CFLAR: variants seen among roughly 807,000 people sequenced by gnomAD.
CFLAR encodes the protein CASP8 and FADD like apoptosis regulator, also known as CASP8 and FADD-like apoptosis regulator.
A neutral mutation model predicts 51.1 loss-of-function variants in CFLAR; 14 were observed. The ratio of observed to expected loss-of-function variants is 0.27; its 90% confidence interval spans 0.18 to 0.43. The LOEUF (loss-of-function observed/expected upper bound fraction) is 0.43, where lower values mean the gene tolerates loss of function less well. Ranked by LOEUF, CFLAR falls within the 20% of genes least tolerant of loss-of-function variation. The probability of loss-of-function intolerance (pLI) is 1.00; values close to 1 mark genes in which losing one functional copy is unlikely to be tolerated. For missense variants in CFLAR, 390 were observed against 566.5 expected (o/e 0.69, Z 3.16); for synonymous variants, 210 against 211.6 (o/e 0.99, Z 0.06).
intron 3 of CFLAR, 68 bp downstream of exon 3, chr2:201,133,202 C>T (rs2049558770): frequency 8.5e-7 from 1 of 1,179,642 alleles, no homozygotes. Context: ...CTTGTTGATA[C>T]AGAGAGAGGG....
chr2:201,176,284 G>GT lies in CFLAR; in HGVS notation c.*12311_*12312insT, dbSNP rs1172810429. ...TCTCAGGTGTTTTCTATTGCGGGGG[G>GT]GGGGGGCGGGCGGGGGAGCTGCCTG... On this transcript the variant is annotated 3_prime_UTR_variant, in exon 10 of 10. Transcript: ENST00000309955. 4 of 126,530 alleles carry GT rather than the reference G, an allele frequency of 3.2e-5. No individual in the cohort carries two copies. Among genetic ancestry groups the GT allele is most frequent in the East Asian group, 2.7e-4 (1 of 3,762 alleles). The allele number at this position is 126,530 out of a possible 1,614,324, so 7.8% of individuals were successfully genotyped here.
rs1421029544 is a variant in CFLAR, at chr2:201,140,404, CAA to C, written c.574_575del (p.Lys192GlufsTer8). 6.2e-7 allele frequency: 1 copy of C among 1,609,866 alleles called. No individual in the cohort carries two copies. The highest frequency in any genetic ancestry group is 8.5e-7 in the Non-Finnish European group (1 of 1,178,960). ...SYRNVLQAAI[Q>X]KSLKDPSNNF... ...CAGGAATGTTCTCCAAGCAGCAATC[CAA>C]AAGAGTCTCAAGGATCCTTCAAATA... On this transcript the variant is annotated frameshift_variant, in exon 5 of 10. Coordinates refer to ENST00000309955, the MANE Select transcript of CFLAR (RefSeq NM_003879.7). LOFTEE classifies it high-confidence loss of function.
In CFLAR at chr2:201,147,137, A is replaced by G. The variant is rs536074343; in HGVS notation, c.661+1705A>G. Among the ~76,000 whole-genome samples, 99 of 152,316 alleles carry G rather than the reference A, an allele frequency of 6.5e-4. 1 individual carries two copies. Among genetic ancestry groups the G allele is most frequent in the Non-Finnish European group, 1.1e-3 (72 of 68,032 alleles). The stretch of plus-strand genomic sequence containing the variant: ...CAATTTTATCCTTGGTCATAATTGT[A>G]CAGATGAGGTAAGTGAGAATCCAAA... On this transcript the variant is annotated intron_variant, in intron 6 of 9. Transcript: ENST00000309955.
Position 201,172,100 on chromosome 2 carries a change from TG to T in CFLAR, c.*8129del, listed in dbSNP as rs1944057464. On this transcript the variant is annotated 3_prime_UTR_variant, in exon 10 of 10. Coordinates refer to ENST00000309955, the MANE Select transcript of CFLAR (RefSeq NM_003879.7). ...ATTTTATATCTCATGCTGTAATTCTTGGAAAGTATGCTGTAGCTCAAGTGCA... is the reference window on the plus strand; with the variant it reads ...ATTTTATATCTCATGCTGTAATTCTTGAAAGTATGCTGTAGCTCAAGTGCA... 6.6e-6 allele frequency: 1 copy of T among 152,208 alleles called. No homozygotes were observed. Among genetic ancestry groups the T allele is most frequent in the African/African-American group, 2.4e-5 (1 of 41,466 alleles). The allele number at this position is 152,208 out of a possible 1,614,324, so 9.4% of individuals were successfully genotyped here.
At position 201,124,008 on chromosome 2, in the gene CFLAR, AT is replaced by A. The variant is rs1165031484; in HGVS notation, c.-137-5719del. Among the ~76,000 whole-genome samples, 2 of 152,200 alleles carry A rather than the reference AT, an allele frequency of 1.3e-5. No individual in the cohort carries two copies. Among genetic ancestry groups the A allele is most frequent in the Non-Finnish European group, 2.9e-5 (2 of 68,038 alleles). ...CGCCCAGTTTGTGGGGTTGCAAGAA[AT>A]TACATTTGCATTCACGCTGTGGCTC... On this transcript the variant is annotated intron_variant, in intron 1 of 9. Coordinates refer to ENST00000309955, the MANE Select transcript of CFLAR (RefSeq NM_003879.7). The surrounding 1 kb of genome is among the most constrained non-coding windows in gnomAD (Gnocchi z 4.7).
rs758403232 is a variant in CFLAR at position 201,170,299 on chromosome 2, A to T, written c.*6326A>T. The T allele has an allele frequency of 1.3e-5, 2 of 152,204 alleles. No homozygotes were observed. The highest frequency in any genetic ancestry group is 2.1e-4 in the South Asian group (1 of 4,830). The allele number at this position is 152,204 out of a possible 1,614,324, so 9.4% of individuals were successfully genotyped here. On this transcript the variant is annotated 3_prime_UTR_variant, in exon 10 of 10. Coordinates refer to ENST00000309955, the MANE Select transcript of CFLAR (RefSeq NM_003879.7). Reference sequence around the variant, plus strand: ...ATTACAGCTTTTGGTGATACAGTGAATCAGATTTTTCATTAATTCTTTTAA... The same window carrying T: ...ATTACAGCTTTTGGTGATACAGTGATTCAGATTTTTCATTAATTCTTTTAA...
rs748059644 is a variant in CFLAR, at chr2:201,168,059, T to TG, written c.*4087dup. 3 of 151,996 alleles carry TG rather than the reference T, an allele frequency of 2.0e-5. No homozygotes were observed. The highest frequency in any genetic ancestry group is 4.4e-5 in the Non-Finnish European group (3 of 68,038). 9.4% of individuals were successfully genotyped at this position (151,996 alleles called of 1,614,324 possible). On this transcript the variant is annotated 3_prime_UTR_variant, in exon 10 of 10. Transcript: ENST00000309955. Reference sequence around the variant, plus strand: ...GAGATCAAGACCATCCTGGCTAACATGTAAAACCCCGTCTCTACTAAAAAT... The same window carrying TG: ...GAGATCAAGACCATCCTGGCTAACATGGTAAAACCCCGTCTCTACTAAAAAT...
At chr2:201,158,889 T>TTA (rs1942635703) in intron 8 of CFLAR, among the ~76,000 whole-genome samples, 1 of 92,222 alleles carries the variant, frequency 1.1e-5, no homozygotes, top group African/African-American at 3.9e-5. Flanking sequence ...TATTATTATT[T>TTA]GAATTTGAGA....
intron 4 of CFLAR, chr2:201,140,024 T>C: frequency 3.2e-6 from 1 of 314,452 alleles, no homozygotes; most frequent in Non-Finnish European, 6.5e-6. Context: ...AGGTAGTCCC[T>C]CATGCTGCCG....
In CFLAR at chr2:201,129,715, C is replaced by T. The variant is rs911743028; in HGVS notation, c.-137-14C>T. 3 of 686,484 alleles carry T rather than the reference C, an allele frequency of 4.4e-6. No individual in the cohort carries two copies. Among genetic ancestry groups the T allele is most frequent in the African/African-American group, 3.6e-5 (2 of 55,990 alleles). The allele number at this position is 686,484 out of a possible 1,614,324, so 42.5% of individuals were successfully genotyped here. The stretch of plus-strand genomic sequence containing the variant: ...CTTGATAAGATTTTCAGAAAAATTC[C>T]CTTTTAACCACAGAACTCCCCCACT... On this transcript the variant is annotated splice_polypyrimidine_tract_variant and intron_variant, in intron 1 of 9. Coordinates refer to ENST00000309955, the MANE Select transcript of CFLAR (RefSeq NM_003879.7).
Position 201,118,662 on chromosome 2 carries a change from G to A in CFLAR, c.-138+2181G>A, listed in dbSNP as rs1268436081. ...GATTCTAGAATTTATGTCTTGTGTG[G>A]TAACATTTCAGCCGGTGGGTGGCGG... On this transcript the variant is annotated intron_variant, in intron 1 of 9. Transcript: ENST00000309955. This position sits in a 1 kb window ranked among gnomAD's most constrained non-coding sequence, Gnocchi z 5.1. The A allele has an allele frequency of 6.6e-6, 1 of 152,278 alleles. No homozygotes were observed. The highest frequency in any genetic ancestry group is 1.5e-5 in the Non-Finnish European group (1 of 68,082). The allele number at this position is 152,278 out of a possible 1,614,324, so 9.4% of individuals were successfully genotyped here.
In CFLAR at chr2:201,138,303, C is replaced by T. The variant is rs902697620; in HGVS notation, c.524-2054C>T. 35 of 776,850 alleles carry T rather than the reference C, an allele frequency of 4.5e-5. No homozygotes were observed. The African/African-American group carries it at 5.6e-4, about 12-fold the overall frequency. The allele number at this position is 776,850 out of a possible 1,614,324, so 48.1% of individuals were successfully genotyped here. A position where few individuals can be genotyped will look rare whatever the true frequency, so the allele number is the denominator to read the frequency against. Reference sequence around the variant, plus strand: ...AGGTCCAGGTGGTATTTGTCATCCTCATGGGTACCCACAGCTGCCCCGCCC... The same window carrying T: ...AGGTCCAGGTGGTATTTGTCATCCTTATGGGTACCCACAGCTGCCCCGCCC... On this transcript the variant is annotated intron_variant, in intron 4 of 9. Transcript: ENST00000309955. This position sits in a 1 kb window ranked among gnomAD's most constrained non-coding sequence, Gnocchi z 4.0.
chr2:201,125,089 C>CA (rs1280415384), intron 1 of CFLAR, among the ~76,000 whole-genome samples: 2 of 152,082 alleles, frequency 1.3e-5, no homozygotes, highest in Non-Finnish European at 2.9e-5. Flanking sequence ...TATTTTAATG[C>CA]AATATTTTAA....
In CFLAR at chr2:201,138,080, G is replaced by A. The variant is rs550853291; in HGVS notation, c.523+1973G>A. 9.7e-5 allele frequency: 71 copies of A among 734,478 alleles called. No individual in the cohort carries two copies. Among genetic ancestry groups the A allele is most frequent in the African/African-American group, 6.7e-4 (39 of 58,384 alleles). 45.5% of individuals were successfully genotyped at this position (734,478 alleles called of 1,614,324 possible). ...CTTCCTGGTTGATGTAGATGGAGCCGCGCAGTCCATGCCCCTGCCCAGCCC... is the reference window on the plus strand; with the variant it reads ...CTTCCTGGTTGATGTAGATGGAGCCACGCAGTCCATGCCCCTGCCCAGCCC... On this transcript the variant is annotated intron_variant, in intron 4 of 9. Coordinates refer to ENST00000309955, the MANE Select transcript of CFLAR (RefSeq NM_003879.7). This position sits in a 1 kb window ranked among gnomAD's most constrained non-coding sequence, Gnocchi z 4.0.
At position 201,169,144 on chromosome 2, in the gene CFLAR, G is replaced by A. The variant is rs757483941; in HGVS notation, c.*5171G>A. 6.6e-6 allele frequency: 1 copy of A among 151,994 alleles called. No individual in the cohort carries two copies. The highest frequency in any genetic ancestry group is 2.4e-5 in the African/African-American group (1 of 41,368). 9.4% of individuals were successfully genotyped at this position (151,994 alleles called of 1,614,324 possible). A position where few individuals can be genotyped will look rare whatever the true frequency, so the allele number is the denominator to read the frequency against. On this transcript the variant is annotated 3_prime_UTR_variant, in exon 10 of 10. Coordinates refer to ENST00000309955, the MANE Select transcript of CFLAR (RefSeq NM_003879.7). The stretch of plus-strand genomic sequence containing the variant: ...TTCAAATGGAACCAAAAAAGAGCCC[G>A]TATAACCAAGACAACAATAAGCAAA...
At position 201,168,228 on chromosome 2, in the gene CFLAR, C is replaced by G. The variant is rs370118993; in HGVS notation, c.*4255C>G. ...CTGCACTCCAGCCTGGGCGACAGTG[C>G]GAGACTCTGTCTCAAAAATAAATAA... On this transcript the variant is annotated 3_prime_UTR_variant, in exon 10 of 10. Coordinates refer to ENST00000309955, the MANE Select transcript of CFLAR (RefSeq NM_003879.7). 2 of 151,938 alleles carry G rather than the reference C, an allele frequency of 1.3e-5. No homozygotes were observed. Among genetic ancestry groups the G allele is most frequent in the Admixed American group, 1.3e-4 (2 of 15,238 alleles). 9.4% of individuals were successfully genotyped at this position (151,938 alleles called of 1,614,324 possible).
At chr2:201,163,213 G>C (rs1943231168) in intron 9 of CFLAR, 1 of 1,242,196 alleles carries the variant, frequency 8.1e-7, no homozygotes, top group South Asian at 2.0e-5. Context: ...GATCTGGAAG[G>C]CTTTGTTATA....
chr2:201,164,550 T>C lies in CFLAR; in HGVS notation c.*577T>C, dbSNP rs998988151. The C allele has an allele frequency of 6.6e-6, 1 of 152,202 alleles. No individual in the cohort carries two copies. The highest frequency in any genetic ancestry group is 1.5e-5 in the Non-Finnish European group (1 of 68,048). The allele number at this position is 152,202 out of a possible 1,614,324, so 9.4% of individuals were successfully genotyped here. A position where few individuals can be genotyped will look rare whatever the true frequency, so the allele number is the denominator to read the frequency against. On this transcript the variant is annotated 3_prime_UTR_variant, in exon 10 of 10. Transcript: ENST00000309955. ...TGGAGGCCAGAAGACTACACCAGTC[T>C]AGTCTTTCCATGTTTTGCCTGCTTT...
chr2:201,164,698 G>A lies in CFLAR; in HGVS notation c.*725G>A, dbSNP rs115658889. 7.6e-3 allele frequency: 1,150 copies of A among 152,204 alleles called. 8 individuals are homozygous for A. The highest frequency in any genetic ancestry group is 0.012 in the Non-Finnish European group (809 of 68,008). 9.4% of individuals were successfully genotyped at this position (152,204 alleles called of 1,614,324 possible). ...GGCAGCACCCTCACAGATGTACCCGGGAACACTTTGCATCCTTCTATTCAA... is the reference window on the plus strand; with the variant it reads ...GGCAGCACCCTCACAGATGTACCCGAGAACACTTTGCATCCTTCTATTCAA... On this transcript the variant is annotated 3_prime_UTR_variant, in exon 10 of 10. Transcript: ENST00000309955.
Sources: gnomAD v4.1 joint callset for allele counts (sites outside exome capture counted in the v4.1 genomes callset) on GRCh38, gnomAD v4.1.1 for gene constraint, Gnocchi (gnomAD v3.1) non-coding constraint, MANE v1.5 for transcripts, NCBI Gene and HGNC (gene_info 2026-07-23, HGNC 2026-07-21) for gene names.